MAN1B1: variants seen among roughly 807,000 people sequenced by gnomAD.
MAN1B1 encodes the protein endoplasmic reticulum mannosyl-oligosaccharide 1,2-alpha-mannosidase.
In MAN1B1, 66 loss-of-function variants were observed where a neutral mutation model predicts 75.5. That is an observed-to-expected ratio of 0.87 (90% CI 0.72 to 1.07). The LOEUF is 1.07. Among genes scored for constraint, MAN1B1 ranks in the 50% least tolerant of loss-of-function variants. The pLI is 0.00. For missense variants in MAN1B1, 973 were observed against 912.5 expected, an observed-to-expected ratio of 1.07 and a Z score of -0.85; for synonymous variants, 453 against 382.8, an observed-to-expected ratio of 1.18 and a Z score of -2.14.
intron 3 of MAN1B1, chr9:137,094,317 C>T (rs185935105): frequency 7.7e-5 from 31 of 400,814 alleles, no homozygotes; most frequent in Non-Finnish European, 1.2e-4. Context: ...ACCTGACCCT[C>T]GTAACGGTGA....
chr9:137,107,783 G>T, intron 12 of MAN1B1, 121 bp downstream of exon 12: 1 of 1,447,024 alleles, frequency 6.9e-7, no homozygotes. Flanking sequence ...GGAGGGGCGG[G>T]CTTGCCGCAG....
chr9:137,101,475 A>G lies in MAN1B1; in HGVS notation c.1066-9A>G, dbSNP rs1830808383. ...TGAACGTTGGTTCTCTACTCTGCTC[A>G]TATACCAGGAGGATTTTGGAAATCG... On this transcript the variant is annotated splice_polypyrimidine_tract_variant and intron_variant, in intron 7 of 12. Coordinates refer to ENST00000371589, the MANE Select transcript of MAN1B1 (RefSeq NM_016219.5). 5 of 1,613,678 alleles carry G rather than the reference A, an allele frequency of 3.1e-6. No individual in the cohort carries two copies. Among genetic ancestry groups the G allele is most frequent in the Non-Finnish European group, 4.2e-6 (5 of 1,179,958 alleles).
At chr9:137,104,818 G>T (rs1175469221) in intron 8 of MAN1B1, 2 of 152,970 alleles carry the variant, frequency 1.3e-5, no homozygotes, top group African/African-American at 4.9e-5. Context: ...ACCTGCCTGA[G>T]GCTGTGTTTT....
At position 137,093,883 on chromosome 9, in the gene MAN1B1, A is replaced by T. The variant is rs538524430; in HGVS notation, c.466-2354A>T. 8.5e-5 allele frequency among the ~76,000 whole-genome samples: 13 copies of T among 152,252 alleles called. No homozygotes were observed. In the East Asian group the frequency reaches 2.5e-3, roughly 29 times the overall value. On this transcript the variant is annotated intron_variant, in intron 3 of 12. Coordinates refer to ENST00000371589, the MANE Select transcript of MAN1B1 (RefSeq NM_016219.5). The stretch of plus-strand genomic sequence containing the variant: ...TCTCCCTAAATTCATCTGTAAATCC[A>T]TTGACTCCCTATCAAAATTCCAACC...
chr9:137,107,629 G>A lies in MAN1B1; in HGVS notation c.1863G>A (p.Trp621Ter). Residue 621 changes from tryptophan to a stop codon, truncating the protein, a stop_gained, in exon 12 of 13, where the codon TGG (tryptophan) becomes TGA (stop). Coordinates refer to ENST00000371589, the MANE Select transcript of MAN1B1 (RefSeq NM_016219.5). LOFTEE classifies it high-confidence loss of function. The part of the protein sequence containing the change: ...TGDRKYQDWG[W>*]EILQSFSRFT... ...ACCGCAAATACCAGGACTGGGGCTG[G>A]GAGATTCTGCAGAGCTTCAGCCGAT... 1 of 1,610,556 alleles carries A rather than the reference G, an allele frequency of 6.2e-7. No homozygotes were observed.
Position 137,101,466 on chromosome 9 carries a change from A to G in MAN1B1, c.1066-18A>G, listed in dbSNP as rs201709858. 1 of 1,612,874 alleles carries G rather than the reference A, an allele frequency of 6.2e-7. No individual in the cohort carries two copies. The highest frequency in any genetic ancestry group is 1.3e-5 in the African/African-American group (1 of 74,824). On this transcript the variant is annotated intron_variant, in intron 7 of 12. Coordinates refer to ENST00000371589, the MANE Select transcript of MAN1B1 (RefSeq NM_016219.5). ...TGGGTGACCTGAACGTTGGTTCTCTACTCTGCTCATATACCAGGAGGATTT... is the reference window on the plus strand; with the variant it reads ...TGGGTGACCTGAACGTTGGTTCTCTGCTCTGCTCATATACCAGGAGGATTT...
rs1588653531 is a variant in MAN1B1 at position 137,107,239 on chromosome 9, T to C, written c.1567-11T>C. 6.2e-7 allele frequency: 1 copy of C among 1,612,372 alleles called. No individual in the cohort carries two copies. The highest frequency in any genetic ancestry group is 8.5e-7 in the Non-Finnish European group (1 of 1,179,588). On this transcript the variant is annotated splice_polypyrimidine_tract_variant and intron_variant, in intron 10 of 12. Transcript: ENST00000371589. ...CTGGGATCTGGGGCTGAAGAGACCCTCTGATTCCAGGACCACCTGGTGTGC... is the reference window on the plus strand; with the variant it reads ...CTGGGATCTGGGGCTGAAGAGACCCCCTGATTCCAGGACCACCTGGTGTGC...
rs138682966 is a variant in MAN1B1, at chr9:137,091,478, G to A, written c.465+2473G>A. On this transcript the variant is annotated intron_variant, in intron 3 of 12. Transcript: ENST00000371589. ...CTGTGTTTAGGCCAGATCCCTTTCT[G>A]TTAACGTTTTACTTTGGTTGAGTTC... Among the ~76,000 whole-genome samples the A allele has an allele frequency of 1.9e-3, 272 of 141,462 alleles. 3 individuals are homozygous for A. Among genetic ancestry groups the A allele is most frequent in the African/African-American group, 6.7e-3 (260 of 39,058 alleles). 92.8% of individuals were successfully genotyped at this position (141,462 alleles called of 152,430 possible). A position where few individuals can be genotyped will look rare whatever the true frequency, so the allele number is the denominator to read the frequency against.
At chr9:137,097,133 C>T in intron 4 of MAN1B1, among the ~76,000 whole-genome samples, 1 of 152,210 alleles carries the variant, frequency 6.6e-6, no homozygotes, top group South Asian at 2.1e-4. Flanking sequence ...AATTTGAGGG[C>T]CACTGTGCTC....
chr9:137,099,837 T>A lies in MAN1B1; in HGVS notation c.872T>A (p.Leu291Gln). Residue 291 changes from leucine to glutamine, a missense_variant, in exon 6 of 13, where the codon CTG (leucine) becomes CAG (glutamine). By Grantham distance (113) the Leu-to-Gln change is moderately radical. Coordinates refer to ENST00000371589, the MANE Select transcript of MAN1B1 (RefSeq NM_016219.5). ...GAGTGGTTTGGCCTCGGTCTCACACTGATCGACGCGCTGGACACCATGTGG... is the reference window on the plus strand; with the variant it reads ...GAGTGGTTTGGCCTCGGTCTCACACAGATCGACGCGCTGGACACCATGTGG... The part of the protein sequence containing the change: ...FSEWFGLGLT[L>Q]IDALDTMWIL... The A allele has an allele frequency of 6.2e-7, 1 of 1,614,238 alleles. No homozygotes were observed. Among genetic ancestry groups the A allele is most frequent in the Non-Finnish European group, 8.5e-7 (1 of 1,180,042 alleles).
At chr9:137,095,842 A>T (rs1830637748) in intron 3 of MAN1B1, among the ~76,000 whole-genome samples, 1 of 152,130 alleles carries the variant, frequency 6.6e-6, no homozygotes, top group Non-Finnish European at 1.5e-5. Flanking sequence ...ATGTCATCGG[A>T]AGCTTTGTGC....
chr9:137,105,858 G>A (rs1831073680), intron 8 of MAN1B1: 3 of 635,496 alleles, frequency 4.7e-6, no homozygotes, highest in Non-Finnish European at 8.8e-6. Context: ...AGGGATGAGA[G>A]CCATCCTGAA....
At position 137,098,070 on chromosome 9, in the gene MAN1B1, T is replaced by C. The variant is rs992669545; in HGVS notation, c.730+133T>C. The C allele has an allele frequency of 5.8e-6, 4 of 687,592 alleles. No individual in the cohort carries two copies. The East Asian group carries it at 1.1e-4, about 19-fold the overall frequency. The allele number at this position is 687,592 out of a possible 1,614,324, so 42.6% of individuals were successfully genotyped here. ...ACCTTGCCCTTCAGCATCCCCCTGT[T>C]GTCTGAGTCCTCACAGGCTCTGCAA... On this transcript the variant is annotated intron_variant, in intron 5 of 12. Coordinates refer to ENST00000371589, the MANE Select transcript of MAN1B1 (RefSeq NM_016219.5).
chr9:137,089,419 G>T, intron 3 of MAN1B1: 1 of 281,838 alleles, frequency 3.5e-6, no homozygotes, highest in Non-Finnish European at 6.9e-6. Flanking sequence ...TGGCACTGAG[G>T]GCAAGATCTG....
intron 12 of MAN1B1, 149 bp from the exon 13 acceptor site, chr9:137,108,239 G>A (rs981784743): frequency 1.5e-5 from 11 of 714,254 alleles, no homozygotes; most frequent in Non-Finnish European, 2.2e-5. Context: ...CACACGGCTC[G>A]CCTGGGGGTG....
chr9:137,098,190 C>T (rs1224218779), intron 5 of MAN1B1, among the ~76,000 whole-genome samples: 2 of 152,214 alleles, frequency 1.3e-5, no homozygotes, highest in African/African-American at 4.8e-5. Flanking sequence ...GGCCAGGCTG[C>T]CCCACGGGAT....
Position 137,091,521 on chromosome 9 carries a change from ATTTTTTT to A in MAN1B1, c.465+2533_465+2539del, listed in dbSNP as rs964752016. ...TTGAGTTCAAATTTTTTTGTTTTAT[ATTTTTTT>A]TTTTTTTTTTTTTTTTGAGACAGAG... is the stretch of plus-strand genomic sequence containing the variant. On this transcript the variant is annotated intron_variant, in intron 3 of 12. Transcript: ENST00000371589. Among the ~76,000 whole-genome samples, 5 of 89,926 alleles carry A rather than the reference ATTTTTTT, an allele frequency of 5.6e-5. 1 individual carries two copies. Among genetic ancestry groups the A allele is most frequent in the African/African-American group, 1.1e-4 (3 of 27,780 alleles). The allele number at this position is 89,926 out of a possible 152,430, so 59.0% of individuals were successfully genotyped here.
At position 137,107,539 on chromosome 9, in the gene MAN1B1, C is replaced by T; in HGVS notation, c.1773C>T (p.Asp591=). Residue 591 remains aspartate, a synonymous_variant, in exon 12 of 13, where the codon GAC becomes GAT. Coordinates refer to ENST00000371589, the MANE Select transcript of MAN1B1 (RefSeq NM_016219.5). ...GRRDVEVKPA[D]RHNLLRPETV... ...CTCTGCTCCGCCCACAGCCAGCAGA[C>T]AGGCACAACCTGCTGCGGCCAGAGA... The T allele has an allele frequency of 1.2e-6, 2 of 1,612,962 alleles. No individual in the cohort carries two copies. The highest frequency in any genetic ancestry group is 1.7e-6 in the Non-Finnish European group (2 of 1,179,990).
At chr9:137,105,929 G>C (rs762051293) in intron 8 of MAN1B1, 196 bp from the exon 9 acceptor site, 1 of 696,600 alleles carries the variant, frequency 1.4e-6, no homozygotes, top group African/African-American at 1.7e-5. Flanking sequence ...GCGTTGCACT[G>C]GTGGCTGTGT....
Sources: allele counts gnomAD v4.1 joint callset (sites outside exome capture counted in the v4.1 genomes callset), GRCh38; gene constraint gnomAD v4.1.1; transcripts MANE v1.5; gene names NCBI Gene and HGNC (gene_info 2026-07-23, HGNC 2026-07-21).